ADAMTS3: variants seen among roughly 807,000 people sequenced by gnomAD.
ADAMTS3 encodes ADAM metallopeptidase with thrombospondin type 1 motif 3, also known as A disintegrin and metalloproteinase with thrombospondin motifs 3.
Under a neutral mutation model 129.0 loss-of-function variants are expected in ADAMTS3, and 73 were observed. The observed-to-expected ratio is 0.57, with a 90% CI of 0.47 to 0.69. The LOEUF (loss-of-function observed/expected upper bound fraction) is 0.69, where lower values mean the gene tolerates loss of function less well. Among genes scored for constraint, ADAMTS3 ranks in the 30% least tolerant of loss-of-function variants. ADAMTS3 has a pLI of 0.00. For synonymous variants in ADAMTS3, 477 were observed against 510.8 expected (o/e 0.93, Z 0.89); for missense variants, 1,457 against 1,514.5 (o/e 0.96, Z 0.63).
chr4:72,515,619 C>A (rs1720448256), intron 3 of ADAMTS3, among the ~76,000 whole-genome samples: 2 of 151,674 alleles, frequency 1.3e-5, no homozygotes, highest in South Asian at 2.1e-4. Context: ...TGTCTTTTGG[C>A]TGCATAAATG....
At chr4:72,347,308 A>T (rs1407102987) in intron 4 of ADAMTS3, among the ~76,000 whole-genome samples, 2 of 149,222 alleles carry the variant, frequency 1.3e-5, no homozygotes, top group Non-Finnish European at 3.0e-5. Flanking sequence ...ATTTGCTAAG[A>T]CAGTTTGATG....
At chr4:72,286,482 T>A (rs567395401) in intron 21 of ADAMTS3, among the ~76,000 whole-genome samples, 1 of 152,304 alleles carries the variant, frequency 6.6e-6, no homozygotes, top group Admixed American at 6.5e-5. Context: ...ATGAAGTAAT[T>A]TATAAGGGTT....
At chr4:72,363,772 A>G (rs916533126) in intron 4 of ADAMTS3, among the ~76,000 whole-genome samples, 3 of 150,594 alleles carry the variant, frequency 2.0e-5, no homozygotes, top group African/African-American at 7.5e-5. Context: ...CTTAAATAGG[A>G]AAAGAAAAAA....
In ADAMTS3 at chr4:72,549,987, AAGAAGAGGAAGAG is replaced by A. The variant is rs1560563844; in HGVS notation, c.98-1116_98-1104del. Reference sequence around the variant, plus strand: ...AAAGAAGAAGAAGAAGAAGAAGAAGAAGAAGAGGAAGAGGAAGAAGAAGAAGAAGAAGAAGAAG... The same window carrying A: ...AAAGAAGAAGAAGAAGAAGAAGAAGAGAAGAAGAAGAAGAAGAAGAAGAAG... On this transcript the variant is annotated intron_variant, in intron 2 of 21. Transcript: ENST00000286657. Among the ~76,000 whole-genome samples, 26 of 22,478 alleles carry A rather than the reference AAGAAGAGGAAGAG, an allele frequency of 1.2e-3. 3 individuals carry two copies. Among genetic ancestry groups the A allele is most frequent in the African/African-American group, 6.7e-3 (26 of 3,900 alleles). 14.7% of individuals were successfully genotyped at this position (22,478 alleles called of 152,430 possible). A position where few individuals can be genotyped will look rare whatever the true frequency, so the allele number is the denominator to read the frequency against.
At chr4:72,369,416 C>A (rs1720948070) in intron 4 of ADAMTS3, among the ~76,000 whole-genome samples, 1 of 151,872 alleles carries the variant, frequency 6.6e-6, no homozygotes, top group African/African-American at 2.4e-5. Flanking sequence ...ATAACAAGTA[C>A]TAAAAAAAAT....
At chr4:72,364,897 G>A (rs56286070) in intron 4 of ADAMTS3, among the ~76,000 whole-genome samples, 7,258 of 151,830 alleles carry the variant, frequency 0.048, 577 homozygotes, top group African/African-American at 0.17. Context: ...CCAAAACTTT[G>A]AAAAAAATAT....
At chr4:72,333,241 A>G (rs1719896742) in intron 5 of ADAMTS3, among the ~76,000 whole-genome samples, 1 of 152,148 alleles carries the variant, frequency 6.6e-6, no homozygotes, top group Non-Finnish European at 1.5e-5. Flanking sequence ...TAGACCCAAA[A>G]CTAGATGATT....
At position 72,313,834 on chromosome 4, in the gene ADAMTS3, G is replaced by T; in HGVS notation, c.1600-12C>A. 1 of 1,613,300 alleles carries T rather than the reference G, an allele frequency of 6.2e-7. No homozygotes were observed. Among genetic ancestry groups the T allele is most frequent in the Non-Finnish European group, 8.5e-7 (1 of 1,179,548 alleles). ...CCCTTATAGCACCACTTAGAAAAAT[G>T]ACAAAAGGTAATTATTAAAATCACG... On this transcript the variant is annotated splice_polypyrimidine_tract_variant and intron_variant, in intron 11 of 21. Coordinates refer to ENST00000286657, the MANE Select transcript of ADAMTS3 (RefSeq NM_014243.3).
At chr4:72,482,553 T>C (rs1029520612) in intron 3 of ADAMTS3, among the ~76,000 whole-genome samples, 3 of 152,010 alleles carry the variant, frequency 2.0e-5, no homozygotes, top group African/African-American at 7.2e-5. Flanking sequence ...AAAAGGGCAA[T>C]ATGAGAAAGC....
intron 3 of ADAMTS3, among the ~76,000 whole-genome samples, chr4:72,481,833 T>C (rs1182558471): frequency 6.6e-6 from 1 of 151,950 alleles, no homozygotes; most frequent in East Asian, 1.9e-4. Flanking sequence ...ATTTAAAAAA[T>C]TCAATTAGAA....
In ADAMTS3 at chr4:72,339,557, G is replaced by A. The variant is rs371081027; in HGVS notation, c.798C>T (p.Asp266=). ...YNIEVLLGVD[D]SVVRFHGKEH... ...CTTTGCCATGGAAACGGACCACAGA[G>A]TCATCCACTCCCAGCAGTACCTCGA... Residue 266 remains aspartate, a synonymous_variant, in exon 5 of 22, where the codon GAC becomes GAT. Coordinates refer to ENST00000286657, the MANE Select transcript of ADAMTS3 (RefSeq NM_014243.3). The A allele has an allele frequency of 1.2e-6, 2 of 1,613,840 alleles. No individual in the cohort carries two copies. Among genetic ancestry groups the A allele is most frequent in the Non-Finnish European group, 1.7e-6 (2 of 1,179,908 alleles).
At chr4:72,345,431 T>A (rs1189231334) in intron 4 of ADAMTS3, among the ~76,000 whole-genome samples, 1 of 152,154 alleles carries the variant, frequency 6.6e-6, no homozygotes, top group Non-Finnish European at 1.5e-5. Context: ...TTTAAAAAAA[T>A]TTAAAGTTAT....
chr4:72,283,431 G>C lies in ADAMTS3; in HGVS notation c.3323C>G (p.Ser1108Ter). 6.2e-7 allele frequency: 1 copy of C among 1,614,090 alleles called. No individual in the cohort carries two copies. Residue 1108 changes from serine to a stop codon, truncating the protein, a stop_gained, in exon 22 of 22, where the codon TCA (serine) becomes TGA (stop). Transcript: ENST00000286657. LOFTEE classifies it low-confidence loss of function (END_TRUNC). The stretch of plus-strand genomic sequence containing the variant: ...AGCATATGCATTTGGACCTCCCACT[G>C]AAGAGATGCTACTCAAAGACATCTT... ...AKKMSLSSISSVGGPNAYAAF... is the reference protein window; with the variant it reads ...AKKMSLSSIS
In ADAMTS3 at chr4:72,361,262, T is replaced by C. The variant is rs1190411268; in HGVS notation, c.662-21569A>G. On this transcript the variant is annotated intron_variant, in intron 4 of 21. Coordinates refer to ENST00000286657, the MANE Select transcript of ADAMTS3 (RefSeq NM_014243.3). ...GCTTCATCTGTAACAATGAAAATTA[T>C]ATTATCTCACAAATTGTTATGTGAA... Among the ~76,000 whole-genome samples the C allele has an allele frequency of 3.3e-5, 5 of 152,316 alleles. No individual in the cohort carries two copies. In the East Asian group the frequency reaches 9.6e-4, roughly 29 times the overall value.
chr4:72,322,872 G>A, intron 6 of ADAMTS3, 142 bp downstream of exon 6: 1 of 594,618 alleles, frequency 1.7e-6, no homozygotes, highest in Non-Finnish European at 2.9e-6. Context: ...TCATGTGGCA[G>A]TTTCTTCTCC....
chr4:72,347,132 A>C (rs754543616), intron 4 of ADAMTS3, among the ~76,000 whole-genome samples: 3 of 152,116 alleles, frequency 2.0e-5, no homozygotes, highest in Non-Finnish European at 4.4e-5. Flanking sequence ...TAATGCTAGA[A>C]GAGGAAAGTG....
At chr4:72,351,018 C>T (rs1294780272) in intron 4 of ADAMTS3, among the ~76,000 whole-genome samples, 1 of 151,930 alleles carries the variant, frequency 6.6e-6, no homozygotes, top group Non-Finnish European at 1.5e-5. Flanking sequence ...TGTTAGGCTC[C>T]ACCTGGGTTC....
chr4:72,549,466 G>A (rs1405189151), intron 2 of ADAMTS3, among the ~76,000 whole-genome samples: 3 of 152,042 alleles, frequency 2.0e-5, no homozygotes, highest in African/African-American at 7.2e-5. Context: ...AGATTCAGGG[G>A]TAGGAGGTCC....
intron 3 of ADAMTS3, among the ~76,000 whole-genome samples, chr4:72,474,817 G>C (rs955405275): frequency 1.3e-5 from 2 of 151,904 alleles, no homozygotes; most frequent in African/African-American, 4.8e-5. Context: ...ACGAGGTCAG[G>C]AGATCGAGAC....
Sources: gnomAD v4.1 joint callset for allele counts (sites outside exome capture counted in the v4.1 genomes callset) on GRCh38, gnomAD v4.1.1 for gene constraint, MANE v1.5 for transcripts, NCBI Gene and HGNC (gene_info 2026-07-23, HGNC 2026-07-21) for gene names.